UBE2E2: variants seen among roughly 807,000 people sequenced by gnomAD.
The protein encoded by UBE2E2 is ubiquitin conjugating enzyme E2 E2, also known as ubiquitin-conjugating enzyme E2 E2.
In UBE2E2, 6 loss-of-function variants were observed where a neutral mutation model predicts 24.7. The ratio of observed to expected loss-of-function variants is 0.24; its 90% CI spans 0.13 to 0.48. UBE2E2 has a LOEUF of 0.48. Ranked by LOEUF, UBE2E2 falls within the 20% of genes least tolerant of loss-of-function variation. The pLI, the probability that UBE2E2 is intolerant of heterozygous loss-of-function variation, is 0.99. For missense variants in UBE2E2, 169 were observed against 245.0 expected (o/e 0.69, Z 2.07); for synonymous variants, 104 against 83.6 (o/e 1.24, Z -1.33).
chr3:23,338,498 A>G (rs1186124282), intron 3 of UBE2E2, among the ~76,000 whole-genome samples: 1 of 152,192 alleles, frequency 6.6e-6, no homozygotes. Flanking sequence ...GCCTAGAAGC[A>G]GTGACATCAT....
rs549823928 is a variant in UBE2E2 at position 23,563,489 on chromosome 3, A to C, written c.509-26245A>C. Reference sequence around the variant, plus strand: ...TTTGCTGAGGAGTGTTTTACTTCCAACTATGTGGTCAGTTTTGGAATAGGT... The same window carrying C: ...TTTGCTGAGGAGTGTTTTACTTCCACCTATGTGGTCAGTTTTGGAATAGGT... On this transcript the variant is annotated intron_variant, in intron 5 of 5. Coordinates refer to ENST00000396703, the MANE Select transcript of UBE2E2 (RefSeq NM_152653.4). Among the ~76,000 whole-genome samples, 11 of 152,300 alleles carry C rather than the reference A, an allele frequency of 7.2e-5. 1 individual carries two copies. The South Asian group carries it at 2.3e-3, about 32-fold the overall frequency.
intron 2 of UBE2E2, 65 bp downstream of exon 2, chr3:23,208,940 T>A: frequency 7.0e-7 from 1 of 1,437,064 alleles, no homozygotes; most frequent in Non-Finnish European, 9.2e-7. Context: ...TCTATTTTTC[T>A]CTTGCATTTA....
chr3:23,381,672 A>G (rs552111592), intron 3 of UBE2E2, among the ~76,000 whole-genome samples: 359 of 152,352 alleles, frequency 2.4e-3, no homozygotes, highest in African/African-American at 8.1e-3. Flanking sequence ...AAGATACTGT[A>G]TAACATTTTA....
chr3:23,576,056 T>A (rs942664394), intron 5 of UBE2E2, among the ~76,000 whole-genome samples: 5 of 152,160 alleles, frequency 3.3e-5, no homozygotes, highest in African/African-American at 4.8e-5. Context: ...TTAACTGTAG[T>A]TGCCTCAAGG....
intron 3 of UBE2E2, among the ~76,000 whole-genome samples, chr3:23,418,532 G>A (rs1424010442): frequency 2.0e-5 from 3 of 152,148 alleles, no homozygotes; most frequent in African/African-American, 4.8e-5. Flanking sequence ...TAGTAAAGAC[G>A]GGGTTTTACC....
chr3:23,561,993 A>G (rs1213105222), intron 5 of UBE2E2, among the ~76,000 whole-genome samples: 9 of 152,206 alleles, frequency 5.9e-5, no homozygotes, highest in Non-Finnish European at 1.0e-4. Flanking sequence ...TTTTCTAGAT[A>G]TACAATCATG....
intron 3 of UBE2E2, among the ~76,000 whole-genome samples, chr3:23,441,159 A>G (rs1389437649): frequency 1.3e-5 from 2 of 152,030 alleles, no homozygotes; most frequent in African/African-American, 4.8e-5. Flanking sequence ...ATCAGATGAA[A>G]ACTAATATCC....
At chr3:23,499,418 G>T (rs3817002) in intron 3 of UBE2E2, among the ~76,000 whole-genome samples, 190 bp from the exon 4 acceptor site, 76,974 of 152,046 alleles carry the variant, frequency 0.51, 19,874 homozygotes, top group East Asian at 0.73. Context: ...GTTCTTTTAT[G>T]AAGTGATACC....
At chr3:23,414,759 G>A (rs935957253) in intron 3 of UBE2E2, among the ~76,000 whole-genome samples, 4 of 152,146 alleles carry the variant, frequency 2.6e-5, no homozygotes, top group African/African-American at 9.7e-5. Flanking sequence ...TGATAAGTGG[G>A]ATTAGTGCCC....
intron 3 of UBE2E2, among the ~76,000 whole-genome samples, chr3:23,454,713 T>C (rs1045406778): frequency 6.6e-6 from 1 of 152,220 alleles, no homozygotes; most frequent in Non-Finnish European, 1.5e-5. Context: ...ACAGCTCTTT[T>C]AAAGTTTTGT....
chr3:23,467,223 G>T (rs1014309748), intron 3 of UBE2E2, among the ~76,000 whole-genome samples: 8 of 152,202 alleles, frequency 5.3e-5, no homozygotes, highest in Non-Finnish European at 1.5e-5. Flanking sequence ...GACTTTGACT[G>T]CATGAGAAAC....
chr3:23,297,677 T>G (rs1353209661), intron 3 of UBE2E2, among the ~76,000 whole-genome samples: 21 of 152,104 alleles, frequency 1.4e-4, no homozygotes, highest in Non-Finnish European at 2.1e-4. Flanking sequence ...CCATGCTGTT[T>G]TGGTTACTGT....
intron 3 of UBE2E2, among the ~76,000 whole-genome samples, chr3:23,274,729 A>G (rs1207709500): frequency 1.3e-5 from 2 of 152,098 alleles, no homozygotes; most frequent in Non-Finnish European, 2.9e-5. Context: ...TAATCCTAGA[A>G]TTCTTTGGTT....
At chr3:23,513,393 T>C (rs537710209) in intron 4 of UBE2E2, among the ~76,000 whole-genome samples, 1 of 152,312 alleles carries the variant, frequency 6.6e-6, no homozygotes, top group Non-Finnish European at 1.5e-5. Context: ...CATATTTGTA[T>C]GTGTAGATCT....
intron 3 of UBE2E2, among the ~76,000 whole-genome samples, chr3:23,262,267 A>T (rs1288978962): frequency 6.6e-6 from 1 of 151,984 alleles, no homozygotes; most frequent in Non-Finnish European, 1.5e-5. Flanking sequence ...AAAAATGTGT[A>T]TTCAGGGCTC....
In UBE2E2 at chr3:23,376,210, T is replaced by C. The variant is rs1274345066; in HGVS notation, c.228-123398T>C. On this transcript the variant is annotated intron_variant, in intron 3 of 5. Coordinates refer to ENST00000396703, the MANE Select transcript of UBE2E2 (RefSeq NM_152653.4). ...CACTATCTAACAGTATATATTGGGA[T>C]ACTTACCTGTTAAAATACAAGATAG... Among the ~76,000 whole-genome samples the C allele has an allele frequency of 4.6e-5, 7 of 152,348 alleles. No homozygotes were observed. The South Asian group carries it at 6.2e-4, about 14-fold the overall frequency.
At chr3:23,292,432 GAAGTT>G (rs1285940107) in intron 3 of UBE2E2, among the ~76,000 whole-genome samples, 1 of 151,936 alleles carries the variant, frequency 6.6e-6, no homozygotes, top group African/African-American at 2.4e-5. Context: ...TTCAGAGGAA[GAAGTT>G]AAGAAATTAG....
At chr3:23,418,408 A>G (rs758756838) in intron 3 of UBE2E2, among the ~76,000 whole-genome samples, 3 of 152,138 alleles carry the variant, frequency 2.0e-5, no homozygotes, top group Non-Finnish European at 4.4e-5. Flanking sequence ...TGAGTAGGGT[A>G]CCTTAGTTGG....
intron 3 of UBE2E2, among the ~76,000 whole-genome samples, chr3:23,490,386 A>C (rs542381245): frequency 3.3e-5 from 5 of 152,358 alleles, no homozygotes; most frequent in African/African-American, 1.2e-4. Context: ...AAGTAAATGC[A>C]TATTATAAAA....
Sources: allele counts gnomAD v4.1 joint callset (sites outside exome capture counted in the v4.1 genomes callset), GRCh38; gene constraint gnomAD v4.1.1; transcripts MANE v1.5; gene names NCBI Gene and HGNC (gene_info 2026-07-23, HGNC 2026-07-21).